ZBTB43: variants seen among roughly 807,000 people sequenced by gnomAD.
The protein encoded by ZBTB43 is zinc finger and BTB domain containing 43.
A neutral mutation model predicts 31.1 loss-of-function variants in ZBTB43; 6 were observed. The ratio of observed to expected loss-of-function variants is 0.19; its 90% CI spans 0.11 to 0.38. The LOEUF is 0.38. Ranked by LOEUF, ZBTB43 falls within the 10% of genes least tolerant of loss-of-function variation. ZBTB43 has a pLI of 1.00. For synonymous variants in ZBTB43, 212 were observed against 221.7 expected (o/e 0.96, Z 0.39); for missense variants, 379 against 602.1 (o/e 0.63, Z 3.88).
intron 2 of ZBTB43, among the ~76,000 whole-genome samples, chr9:126,809,685 T>C (rs570842755): frequency 6.6e-6 from 1 of 152,332 alleles, no homozygotes; most frequent in East Asian, 1.9e-4. Flanking sequence ...GTTCAGGATT[T>C]CTTCAGTATG....
At chr9:126,810,869 T>A (rs925159549) in intron 2 of ZBTB43, among the ~76,000 whole-genome samples, 8 of 151,710 alleles carry the variant, frequency 5.3e-5, no homozygotes, top group African/African-American at 1.9e-4. Context: ...TATAATAAAA[T>A]TATATAGATT....
intron 2 of ZBTB43, among the ~76,000 whole-genome samples, chr9:126,828,017 C>CAA (rs113774199): frequency 3.5e-5 from 5 of 144,608 alleles, no homozygotes; most frequent in African/African-American, 1.3e-4. Context: ...AACTCCGTCT[C>CAA]AAAAAAAAAA....
At chr9:126,827,174 CA>C (rs111882682) in intron 2 of ZBTB43, among the ~76,000 whole-genome samples, 2,368 of 152,264 alleles carry the variant, frequency 0.016, 63 homozygotes, top group African/African-American at 0.054. Flanking sequence ...CTTATCCGTG[CA>C]AACCAGCCTG....
chr9:126,817,287 T>C (rs2032408708), intron 2 of ZBTB43, among the ~76,000 whole-genome samples: 1 of 151,206 alleles, frequency 6.6e-6, no homozygotes, highest in African/African-American at 2.4e-5. Flanking sequence ...AATTTTTGTA[T>C]ATTTGTAGAG....
rs75005142 is a variant in ZBTB43 at position 126,813,431 on chromosome 9, C to G, written c.-24+4516C>G. ...TCACTTAGAAGTTTTCAGTGCTGCC[C>G]CAATGTAGACGTCTCATTCGGCTTT... On this transcript the variant is annotated intron_variant, in intron 2 of 2. Coordinates refer to ENST00000373464, the MANE Select transcript of ZBTB43 (RefSeq NM_014007.4). 1.6e-4 allele frequency among the ~76,000 whole-genome samples: 24 copies of G among 152,240 alleles called. No homozygotes were observed. The East Asian group carries it at 4.6e-3, about 29-fold the overall frequency.
chr9:126,822,014 A>C (rs2032523519), intron 2 of ZBTB43, among the ~76,000 whole-genome samples: 1 of 151,596 alleles, frequency 6.6e-6, no homozygotes, highest in African/African-American at 2.4e-5. Context: ...CCACCACCAC[A>C]CCCAGCTAAT....
rs77777057 is a variant in ZBTB43, at chr9:126,824,324, C to T, written c.-23-8163C>T. On this transcript the variant is annotated intron_variant, in intron 2 of 2. Transcript: ENST00000373464. Reference sequence around the variant, plus strand: ...ATAGGCATGAGCCACTGAGCCCAACCAGTGGTGACTTAATATTTACATAAG... The same window carrying T: ...ATAGGCATGAGCCACTGAGCCCAACTAGTGGTGACTTAATATTTACATAAG... Among the ~76,000 whole-genome samples, 52 of 152,356 alleles carry T rather than the reference C, an allele frequency of 3.4e-4. 1 individual carries two copies. The East Asian group carries it at 9.6e-3, about 28-fold the overall frequency.
In ZBTB43 at chr9:126,822,155, C is replaced by G. The variant is rs576309203; in HGVS notation, c.-23-10332C>G. 3.3e-5 allele frequency among the ~76,000 whole-genome samples: 5 copies of G among 150,400 alleles called. No homozygotes were observed. In the South Asian group the frequency reaches 6.3e-4, roughly 19 times the overall value. ...ACAGGCATGAGCCACCATGCTCGGC[C>G]GAGATTTTTTTTTTTTTTTTTTTTT... On this transcript the variant is annotated intron_variant, in intron 2 of 2. Coordinates refer to ENST00000373464, the MANE Select transcript of ZBTB43 (RefSeq NM_014007.4).
Position 126,832,972 on chromosome 9 carries a change from T to A in ZBTB43, c.463T>A (p.Phe155Ile), listed in dbSNP as rs1251398443. Residue 155 changes from phenylalanine to isoleucine, a missense_variant, in exon 3 of 3, where the codon TTT becomes ATT. This residue lies in a region of ZBTB43 where 253 missense variants were observed against 322.3 expected (regional missense o/e 0.79). Transcript: ENST00000373464. Reference protein sequence around the residue: ...SSSYNGLVESFELGSGGHTDF... With the variant: ...SSSYNGLVESIELGSGGHTDF... ...TAGTTATAATGGCCTGGTAGAGAGC[T>A]TTGAGCTGGGCTCTGGGGGTCATAC... 1 of 1,613,592 alleles carries A rather than the reference T, an allele frequency of 6.2e-7. No homozygotes were observed. The highest frequency in any genetic ancestry group is 8.5e-7 in the Non-Finnish European group (1 of 1,179,998).
intron 1 of ZBTB43, among the ~76,000 whole-genome samples, chr9:126,805,680 T>G (rs1205386724): frequency 6.6e-6 from 1 of 152,244 alleles, no homozygotes; most frequent in Non-Finnish European, 1.5e-5. Flanking sequence ...ACTTTGTCTT[T>G]GTCGGGGTAT....
chr9:126,820,992 A>G (rs181104268), intron 2 of ZBTB43, among the ~76,000 whole-genome samples: 90 of 142,924 alleles, frequency 6.3e-4, no homozygotes, highest in Non-Finnish European at 1.2e-3. Context: ...AAAAAAGGAT[A>G]TTTTGTAAGG....
At chr9:126,815,695 A>G (rs1308675541) in intron 2 of ZBTB43, among the ~76,000 whole-genome samples, 1 of 149,082 alleles carries the variant, frequency 6.7e-6, no homozygotes, top group Non-Finnish European at 1.5e-5. Context: ...GTCTGTACCT[A>G]ACATGCTTAA....
At chr9:126,830,089 G>A (rs552565583) in intron 2 of ZBTB43, among the ~76,000 whole-genome samples, 42 of 152,214 alleles carry the variant, frequency 2.8e-4, no homozygotes, top group Non-Finnish European at 5.3e-4. Context: ...AGACTTTAGA[G>A]TCATCCAGAC....
At chr9:126,808,433 A>G (rs764595653) in intron 1 of ZBTB43, among the ~76,000 whole-genome samples, 7 of 152,352 alleles carry the variant, frequency 4.6e-5, no homozygotes, top group African/African-American at 1.4e-4. Flanking sequence ...CTGATTGACA[A>G]TGGTCAGGAG....
At chr9:126,823,647 A>G (rs1172189526) in intron 2 of ZBTB43, among the ~76,000 whole-genome samples, 5 of 152,324 alleles carry the variant, frequency 3.3e-5, no homozygotes, top group African/African-American at 9.6e-5. Flanking sequence ...TATGTCTTAC[A>G]TGTTTTTTAT....
chr9:126,810,484 T>C (rs1690648228), intron 2 of ZBTB43, among the ~76,000 whole-genome samples: 1 of 143,930 alleles, frequency 6.9e-6, no homozygotes, highest in Admixed American at 7.0e-5. Context: ...TGAGCCACTG[T>C]GCCCAGCCGT....
intron 2 of ZBTB43, among the ~76,000 whole-genome samples, chr9:126,813,979 A>G (rs1262552280): frequency 6.6e-6 from 1 of 152,090 alleles, no homozygotes; most frequent in Non-Finnish European, 1.5e-5. Context: ...GTATATTATC[A>G]TTTTTGTAAA....
upstream of ZBTB43, among the ~76,000 whole-genome samples, chr9:126,804,596 T>C (rs2032080448): frequency 6.6e-6 from 1 of 152,182 alleles, no homozygotes; most frequent in Admixed American, 6.5e-5. Context: ...GCAATTCTCC[T>C]GTCTCAGCTT....
intron 2 of ZBTB43, among the ~76,000 whole-genome samples, chr9:126,821,055 T>A (rs1295775050): frequency 6.6e-6 from 1 of 151,472 alleles, no homozygotes; most frequent in Non-Finnish European, 1.5e-5. Flanking sequence ...CTCTGATGGA[T>A]ATCTGGGCAA....
Sources: allele counts gnomAD v4.1 joint callset (sites outside exome capture counted in the v4.1 genomes callset), GRCh38; gene constraint gnomAD v4.1.1; regional missense constraint gnomAD v4.1.1; transcripts MANE v1.5; gene names NCBI Gene and HGNC (gene_info 2026-07-23, HGNC 2026-07-21).